Variants in VIT observed in about 807,000 individuals in gnomAD.
VIT encodes the protein vitrin.
VIT carries 99 observed loss-of-function variants against 78.0 expected under a neutral mutation model. The ratio of observed to expected loss-of-function variants is 1.27; its 90% CI spans 1.08 to 1.50. The LOEUF (loss-of-function observed/expected upper bound fraction) is 1.50, where lower values mean the gene tolerates loss of function less well. VIT is among the 40% of genes most tolerant of loss of function. The probability of loss-of-function intolerance (pLI) is 0.00; values close to 1 mark genes in which losing one functional copy is unlikely to be tolerated. For missense variants in VIT, 1,126 were observed against 875.3 expected (o/e 1.29, Z -3.61); for synonymous variants, 374 against 334.3 (o/e 1.12, Z -1.29).
At chr2:36,765,140 G>A (rs112684658) in intron 6 of VIT, among the ~76,000 whole-genome samples, 2,901 of 152,172 alleles carry the variant, frequency 0.019, 54 homozygotes, top group Middle Eastern at 0.031. Context: ...TCCTGAGATC[G>A]TGACGGGGCG....
At chr2:36,726,691 C>T (rs560205775) in intron 2 of VIT, among the ~76,000 whole-genome samples, 2 of 151,896 alleles carry the variant, frequency 1.3e-5, no homozygotes, top group Non-Finnish European at 2.9e-5. Flanking sequence ...TGGTGACGGG[C>T]GCCTGTAAGC....
chr2:36,797,963 G>A (rs1666027836), intron 12 of VIT, among the ~76,000 whole-genome samples: 2 of 152,130 alleles, frequency 1.3e-5, no homozygotes, highest in South Asian at 2.1e-4. Context: ...GAGCTTGGAG[G>A]GTGGGCACGA....
chr2:36,774,984 C>A lies in VIT; in HGVS notation c.737-18C>A. ...GCTGGTTGTGTGTAAATCGGCTGAC[C>A]CTGTGTAATCCCCTCAGGTATCCAA... On this transcript the variant is annotated intron_variant, in intron 8 of 15. Transcript: ENST00000379242. 1 of 1,613,666 alleles carries A rather than the reference C, an allele frequency of 6.2e-7. No homozygotes were observed. The highest frequency in any genetic ancestry group is 1.1e-5 in the South Asian group (1 of 90,950).
intron 13 of VIT, among the ~76,000 whole-genome samples, chr2:36,803,696 C>G (rs539557236): frequency 7.9e-5 from 12 of 152,286 alleles, no homozygotes; most frequent in African/African-American, 2.9e-4. Context: ...TTGATGCTCT[C>G]ATTTGACAAG....
chr2:36,809,121 G>C, intron 15 of VIT, 136 bp downstream of exon 15: 4 of 1,237,638 alleles, frequency 3.2e-6, no homozygotes, highest in Non-Finnish European at 4.4e-6. Context: ...AAGCCGCAGG[G>C]AGGGCATTAG....
chr2:36,781,324 C>A (rs1247841052), intron 9 of VIT, among the ~76,000 whole-genome samples: 1 of 152,172 alleles, frequency 6.6e-6, no homozygotes, highest in East Asian at 1.9e-4. Context: ...AAGAAGGAAT[C>A]TACTACTTTG....
chr2:36,789,013 A>G (rs11680457), intron 12 of VIT, among the ~76,000 whole-genome samples: 10,130 of 152,204 alleles, frequency 0.067, 354 homozygotes, highest in African/African-American at 0.085. Flanking sequence ...GTTTACCCCC[A>G]TGCTTTTCAG....
At chr2:36,773,461 T>C (rs1430027020) in intron 7 of VIT, among the ~76,000 whole-genome samples, 1 of 152,168 alleles carries the variant, frequency 6.6e-6, no homozygotes, top group African/African-American at 2.4e-5. Context: ...TTAAAATTTA[T>C]TGGCCGGGTG....
At chr2:36,788,795 A>T (rs2148636997) in intron 12 of VIT, among the ~76,000 whole-genome samples, 2 of 152,366 alleles carry the variant, frequency 1.3e-5, no homozygotes, top group South Asian at 4.1e-4. Context: ...AGCTGCTTTA[A>T]AAGCTTGTAT....
chr2:36,705,415 G>C (rs1205781140), intron 1 of VIT, among the ~76,000 whole-genome samples: 1 of 152,104 alleles, frequency 6.6e-6, no homozygotes, highest in Non-Finnish European at 1.5e-5. Flanking sequence ...AATCACCATT[G>C]GTCGAAGCCT....
chr2:36,730,933 G>A lies in VIT; in HGVS notation c.118+1442G>A, dbSNP rs139300543. ...TTTACAGCAAAGACACCACTCAAAG[G>A]TGGGCATGACAGTGTAGAAAACCAA... On this transcript the variant is annotated intron_variant, in intron 3 of 15. Transcript: ENST00000379242. Among the ~76,000 whole-genome samples the A allele has an allele frequency of 6.0e-3, 908 of 152,308 alleles. 8 individuals are homozygous for A. Among genetic ancestry groups the A allele is most frequent in the Middle Eastern group, 0.01 (3 of 294 alleles).
chr2:36,808,848 C>T lies in VIT; in HGVS notation c.1766C>T (p.Thr589Met), dbSNP rs1044302467. Residue 589 changes from threonine (T) to methionine (M), a missense_variant, in exon 15 of 16, where the codon ACG becomes ATG. Coordinates refer to ENST00000379242, the MANE Select transcript of VIT (RefSeq NM_053276.4). Reference protein sequence around the residue: ...RVGYWSGGTSTGAAINFALEQ... With the variant: ...RVGYWSGGTSMGAAINFALEQ... ...GGCTACTGGAGTGGTGGCACCAGCA[C>T]GGGGGCTGCCATCAACTTCGCCCTG... 5.0e-6 allele frequency: 8 copies of T among 1,614,162 alleles called. No individual in the cohort carries two copies. Among genetic ancestry groups the T allele is most frequent in the Admixed American group, 3.3e-5 (2 of 60,018 alleles).
In VIT at chr2:36,805,541, G is replaced by C. The variant is rs199550583; in HGVS notation, c.1266G>C (p.Thr422=). 4 of 1,614,104 alleles carry C rather than the reference G, an allele frequency of 2.5e-6. No individual in the cohort carries two copies. The highest frequency in any genetic ancestry group is 8.5e-7 in the Non-Finnish European group (1 of 1,180,016). ...VVVVMVDGWP[T]DKVEEASRLA... is the part of the protein sequence containing the mutation. ...TGGTGATGGTGGATGGCTGGCCCAC[G>C]GACAAAGTGGAGGAGGCTTCAAGAC... The change falls in exon 14 of 16, where the codon ACG becomes ACC. Residue 422 remains threonine (T), a synonymous_variant. Coordinates refer to ENST00000379242, the MANE Select transcript of VIT (RefSeq NM_053276.4).
intron 6 of VIT, among the ~76,000 whole-genome samples, chr2:36,764,808 C>T (rs1371440609): frequency 6.6e-6 from 1 of 152,068 alleles, no homozygotes; most frequent in Non-Finnish European, 1.5e-5. Context: ...AAACACCCCA[C>T]CACACATTTG....
At chr2:36,805,341 G>T in intron 13 of VIT, 97 bp from the exon 14 acceptor site, 6 of 1,067,454 alleles carry the variant, frequency 5.6e-6, no homozygotes, top group Non-Finnish European at 7.8e-6. Context: ...GGGAGGGAAT[G>T]AGTGTATTTT....
At chr2:36,703,296 C>T (rs145803531) in intron 1 of VIT, among the ~76,000 whole-genome samples, 2,045 of 152,262 alleles carry the variant, frequency 0.013, 20 homozygotes, top group Middle Eastern at 0.027. Flanking sequence ...ATTTTCCCTC[C>T]TCTTTCCCCT....
intron 12 of VIT, among the ~76,000 whole-genome samples, chr2:36,788,224 G>C (rs991498764): frequency 1.2e-4 from 18 of 152,088 alleles, no homozygotes; most frequent in African/African-American, 4.3e-4. Flanking sequence ...TAGAAGTGCG[G>C]TCACAGCTTA....
At chr2:36,800,462 A>T (rs1052890401) in intron 12 of VIT, among the ~76,000 whole-genome samples, 10 of 152,332 alleles carry the variant, frequency 6.6e-5, no homozygotes, top group Admixed American at 2.0e-4. Flanking sequence ...GCAGAGCACT[A>T]TGCCAAGCCT....
chr2:36,769,129 C>A (rs1194546843), intron 7 of VIT, among the ~76,000 whole-genome samples: 5 of 152,170 alleles, frequency 3.3e-5, no homozygotes. Context: ...GGTTCTGTAG[C>A]CAGAAGTTCT....
Sources: gnomAD v4.1 joint callset for allele counts (sites outside exome capture counted in the v4.1 genomes callset) on GRCh38, gnomAD v4.1.1 for gene constraint, MANE v1.5 for transcripts, NCBI Gene and HGNC (gene_info 2026-07-23, HGNC 2026-07-21) for gene names.